Variants in DLGAP2 observed in about 807,000 individuals in gnomAD.
DLGAP2 encodes disks large-associated protein 2.
A neutral mutation model predicts 100.3 loss-of-function variants in DLGAP2; 26 were observed. That is an observed-to-expected ratio of 0.26 (90% CI 0.19 to 0.36). The LOEUF (loss-of-function observed/expected upper bound fraction) is 0.36. Ranked by LOEUF, DLGAP2 falls within the 10% of genes least tolerant of loss-of-function variation. The pLI, the probability that DLGAP2 is intolerant of heterozygous loss-of-function variation, is 1.00. For synonymous variants in DLGAP2, 886 were observed against 630.1 expected (o/e 1.41, Z -6.08); for missense variants, 1,858 against 1,453.2 (o/e 1.28, Z -4.53).
intron 2 of DLGAP2, among the ~76,000 whole-genome samples, chr8:982,104 G>A (rs980614341): frequency 7.9e-5 from 12 of 152,256 alleles, no homozygotes; most frequent in African/African-American, 2.7e-4. Context: ...ATGCTCTTCA[G>A]CCTCCCAAGG....
At chr8:1,362,430 G>A (rs1299671291) in intron 3 of DLGAP2, among the ~76,000 whole-genome samples, 6 of 151,944 alleles carry the variant, frequency 3.9e-5, no homozygotes, top group South Asian at 2.1e-4. Flanking sequence ...CAGCGCCCTC[G>A]GGAGGCTCGG....
At chr8:1,346,632 G>C (rs550795259) in intron 3 of DLGAP2, among the ~76,000 whole-genome samples, 747 of 148,878 alleles carry the variant, frequency 5.0e-3, no homozygotes, top group Middle Eastern at 0.018. Context: ...TTCTGAAACA[G>C]AGCTGCATTG....
At chr8:1,479,400 G>A (rs776080569) in intron 3 of DLGAP2, among the ~76,000 whole-genome samples, 3 of 152,196 alleles carry the variant, frequency 2.0e-5, no homozygotes, top group Admixed American at 6.5e-5. Flanking sequence ...AGGAAGCATT[G>A]TCCTGGGAAG....
chr8:739,590 A>T (rs1412881991), intron 1 of DLGAP2: 1 of 152,226 alleles, frequency 6.6e-6, no homozygotes, highest in Non-Finnish European at 1.5e-5. Flanking sequence ...AAAAATGGCG[A>T]AATGATGAAA....
intron 2 of DLGAP2, among the ~76,000 whole-genome samples, chr8:1,230,571 A>G (rs1798515147): frequency 6.6e-6 from 1 of 152,228 alleles, no homozygotes; most frequent in Admixed American, 6.5e-5. Context: ...TGCAAAAAGA[A>G]CAAAGCCAGA....
At chr8:1,618,961 A>G (rs1194915297) in intron 6 of DLGAP2, among the ~76,000 whole-genome samples, 1 of 152,182 alleles carries the variant, frequency 6.6e-6, no homozygotes, top group Non-Finnish European at 1.5e-5. Context: ...ATCGCCCCAG[A>G]TTAAGAACTA....
intron 1 of DLGAP2, among the ~76,000 whole-genome samples, chr8:850,183 T>A (rs192088482): frequency 6.6e-6 from 1 of 152,304 alleles, no homozygotes; most frequent in African/African-American, 2.4e-5. Context: ...CCCCCACCTT[T>A]GCGTTGTCTT....
chr8:994,117 C>G (rs1476968457), intron 2 of DLGAP2, among the ~76,000 whole-genome samples: 2 of 152,188 alleles, frequency 1.3e-5, no homozygotes, highest in African/African-American at 2.4e-5. Flanking sequence ...CGCCACTGCA[C>G]TACAATGTCA....
chr8:769,034 G>A (rs946428618), intron 1 of DLGAP2, among the ~76,000 whole-genome samples: 2 of 152,012 alleles, frequency 1.3e-5, no homozygotes, highest in East Asian at 1.9e-4. Flanking sequence ...GGATTGTTTC[G>A]AGTATTAGGT....
At chr8:1,236,769 CTAGTT>C (rs1798664580) in intron 2 of DLGAP2, among the ~76,000 whole-genome samples, 1 of 67,338 alleles carries the variant, frequency 1.5e-5, no homozygotes, top group African/African-American at 7.2e-5. Flanking sequence ...GGCGCCGTGT[CTAGTT>C]CTCTCACATG....
In DLGAP2 at chr8:1,354,435, C is replaced by G. The variant is rs530085025; in HGVS notation, c.106+95552C>G. On this transcript the variant is annotated intron_variant, in intron 3 of 14. Transcript: ENST00000637795. ...GACTGAGGCACCAGAATCACTTGAA[C>G]TCGGGAGGCACAGGTTACAGTGAGC... Among the ~76,000 whole-genome samples the G allele has an allele frequency of 3.9e-5, 6 of 152,322 alleles. No individual in the cohort carries two copies. The South Asian group carries it at 1.0e-3, about 26-fold the overall frequency.
In DLGAP2 at chr8:963,692, ATTAAT is replaced by A. The variant is rs558624072; in HGVS notation, c.73+55732_73+55736del. 3.2e-3 allele frequency among the ~76,000 whole-genome samples: 300 copies of A among 94,648 alleles called. 1 individual carries two copies. Among genetic ancestry groups the A allele is most frequent in the African/African-American group, 7.3e-3 (263 of 36,184 alleles). 62.1% of individuals were successfully genotyped at this position (94,648 alleles called of 152,430 possible). A position where few individuals can be genotyped will look rare whatever the true frequency, so the allele number is the denominator to read the frequency against. On this transcript the variant is annotated intron_variant, in intron 2 of 14. Transcript: ENST00000637795. Reference sequence around the variant, plus strand: ...TCTTGCTCTGCCTCGGTGAATTTTAATTAATTTAATATTGTCTGGGTAACCAAAGA... The same window carrying A: ...TCTTGCTCTGCCTCGGTGAATTTTAATTAATATTGTCTGGGTAACCAAAGA...
chr8:1,202,241 A>AGT (rs36230610), intron 2 of DLGAP2, among the ~76,000 whole-genome samples: 8,066 of 149,184 alleles, frequency 0.054, 285 homozygotes, highest in South Asian at 0.11. Context: ...GTATAGATGC[A>AGT]GTGTGTGTGT....
intron 2 of DLGAP2, among the ~76,000 whole-genome samples, chr8:1,141,796 T>G (rs1483554574): frequency 2.0e-5 from 3 of 152,124 alleles, no homozygotes; most frequent in East Asian, 3.8e-4. Flanking sequence ...AAAAAATGAC[T>G]CAAGGCTGAA....
At chr8:1,651,325 GC>G (rs966299627) in intron 8 of DLGAP2, among the ~76,000 whole-genome samples, 3 of 152,114 alleles carry the variant, frequency 2.0e-5, no homozygotes, top group African/African-American at 7.2e-5. Flanking sequence ...TGAAGCGCTG[GC>G]CCCGTCAGCA....
At chr8:983,668 G>C (rs561458361) in intron 2 of DLGAP2, among the ~76,000 whole-genome samples, 1 of 152,188 alleles carries the variant, frequency 6.6e-6, no homozygotes, top group African/African-American at 2.4e-5. Flanking sequence ...TTTGGGATAG[G>C]ACCTTGCTCT....
In DLGAP2 at chr8:761,996, G is replaced by A. The variant is rs191654873; in HGVS notation, c.18+24171G>A. 3.6e-4 allele frequency among the ~76,000 whole-genome samples: 55 copies of A among 152,282 alleles called. No individual in the cohort carries two copies. In the East Asian group the frequency reaches 8.5e-3, roughly 24 times the overall value. On this transcript the variant is annotated intron_variant, in intron 1 of 14. Coordinates refer to ENST00000637795, the MANE Select transcript of DLGAP2 (RefSeq NM_001346810.2). Reference sequence around the variant, plus strand: ...AACCCGAGGAGGAACTGATGAACCCGCCTCGGGTGCAGCATCCAGAATATT... The same window carrying A: ...AACCCGAGGAGGAACTGATGAACCCACCTCGGGTGCAGCATCCAGAATATT...
chr8:1,646,900 C>T (rs1798052272), intron 8 of DLGAP2, among the ~76,000 whole-genome samples: 2 of 152,176 alleles, frequency 1.3e-5, no homozygotes, highest in African/African-American at 2.4e-5. Flanking sequence ...TTCTAATCAG[C>T]GTCTGTCACC....
At chr8:1,297,815 C>T (rs1426648704) in intron 3 of DLGAP2, among the ~76,000 whole-genome samples, 2 of 78,630 alleles carry the variant, frequency 2.5e-5, no homozygotes, top group East Asian at 5.5e-4. Context: ...ACGTGGCAGG[C>T]GTGAACAGAC....
Sources: gnomAD v4.1 joint callset for allele counts (sites outside exome capture counted in the v4.1 genomes callset) on GRCh38, gnomAD v4.1.1 for gene constraint, MANE v1.5 for transcripts, NCBI Gene and HGNC (gene_info 2026-07-23, HGNC 2026-07-21) for gene names.